Variants in CSRNP3 observed in about 807,000 individuals in gnomAD.
CSRNP3 encodes cysteine/serine-rich nuclear protein 3.
Under a neutral mutation model 48.0 loss-of-function variants are expected in CSRNP3, and 12 were observed. The ratio of observed to expected loss-of-function variants is 0.25; its 90% confidence interval spans 0.16 to 0.41. The LOEUF is 0.41. CSRNP3 is among the 10% of genes least tolerant of loss of function. The probability of loss-of-function intolerance (pLI) is 1.00; values close to 1 mark genes in which losing one functional copy is unlikely to be tolerated. For missense variants in CSRNP3, 580 were observed against 724.4 expected, an observed-to-expected ratio of 0.80 and a Z score of 2.29; for synonymous variants, 263 against 269.7, an observed-to-expected ratio of 0.98 and a Z score of 0.24.
At chr2:165,566,610 A>C (rs558139466) in intron 3 of CSRNP3, among the ~76,000 whole-genome samples, 1 of 152,060 alleles carries the variant, frequency 6.6e-6, no homozygotes, top group African/African-American at 2.4e-5. Flanking sequence ...ACTATTAGCT[A>C]TTTTTAGATA....
At position 165,682,588 on chromosome 2, in the gene CSRNP3, A is replaced by G. The variant is rs984538690; in HGVS notation, c.*2835A>G. ...AAAAAAATGTGGTTTAGAAAAGAGG[A>G]TAATTGGTAGAGCTGTAGTTTGAAA... On this transcript the variant is annotated 3_prime_UTR_variant, in exon 7 of 7. Transcript: ENST00000651982. The G allele has an allele frequency of 1.9e-4, 29 of 152,156 alleles. 1 individual carries two copies. Among genetic ancestry groups the G allele is most frequent in the Admixed American group, 1.9e-3 (29 of 15,250 alleles). The allele number at this position is 152,156 out of a possible 1,614,324, so 9.4% of individuals were successfully genotyped here. A position where few individuals can be genotyped will look rare whatever the true frequency, so the allele number is the denominator to read the frequency against.
At position 165,681,482 on chromosome 2, in the gene CSRNP3, A is replaced by G. The variant is rs901314573; in HGVS notation, c.*1729A>G. ...TCTAGAGAAAGTCCTCCAGTGGAAA[A>G]GTTTCTACTAAACTTTGTTTTGGGG... On this transcript the variant is annotated 3_prime_UTR_variant, in exon 7 of 7. Transcript: ENST00000651982. 21 of 151,914 alleles carry G rather than the reference A, an allele frequency of 1.4e-4. No homozygotes were observed. Among genetic ancestry groups the G allele is most frequent in the African/African-American group, 4.6e-4 (19 of 41,472 alleles). 9.4% of individuals were successfully genotyped at this position (151,914 alleles called of 1,614,324 possible).
At chr2:165,569,586 A>C (rs1009332902) in intron 3 of CSRNP3, among the ~76,000 whole-genome samples, 1 of 152,096 alleles carries the variant, frequency 6.6e-6, no homozygotes, top group Non-Finnish European at 1.5e-5. Context: ...AATATGCCAA[A>C]GTAAATTAAA....
intron 1 of CSRNP3, among the ~76,000 whole-genome samples, chr2:165,490,702 G>T (rs1220926000): frequency 7.4e-6 from 1 of 134,442 alleles, no homozygotes; most frequent in East Asian, 2.4e-4. Context: ...ATGGGGAAAG[G>T]ATTCCCTATT....
At chr2:165,621,104 T>C (rs1315673461) in intron 4 of CSRNP3, among the ~76,000 whole-genome samples, 5 of 152,116 alleles carry the variant, frequency 3.3e-5, no homozygotes, top group Non-Finnish European at 7.4e-5. Flanking sequence ...ATGATCACAT[T>C]AAGATTTATC....
intron 5 of CSRNP3, among the ~76,000 whole-genome samples, chr2:165,669,316 A>G (rs1687290191): frequency 6.6e-6 from 1 of 152,160 alleles, no homozygotes; most frequent in Non-Finnish European, 1.5e-5. Flanking sequence ...TTGCCCTGGC[A>G]TTTTAGTCAA....
At chr2:165,676,973 C>A (rs1687436330) in intron 6 of CSRNP3, among the ~76,000 whole-genome samples, 1 of 152,106 alleles carries the variant, frequency 6.6e-6, no homozygotes, top group Non-Finnish European at 1.5e-5. Context: ...ATTTTCTGAT[C>A]CATCCATGGG....
At chr2:165,493,372 C>T (rs1684245214) in intron 1 of CSRNP3, among the ~76,000 whole-genome samples, 1 of 152,074 alleles carries the variant, frequency 6.6e-6, no homozygotes, top group South Asian at 2.1e-4. Flanking sequence ...ACTGATGCAT[C>T]TCTAGTCAAG....
chr2:165,559,587 T>A (rs1460815368), intron 3 of CSRNP3, among the ~76,000 whole-genome samples: 1 of 152,134 alleles, frequency 6.6e-6, no homozygotes, highest in Non-Finnish European at 1.5e-5. Context: ...AGAAAAGGGA[T>A]GTGTAATGAA....
intron 4 of CSRNP3, among the ~76,000 whole-genome samples, chr2:165,600,091 A>C (rs1389941703): frequency 9.9e-5 from 12 of 121,632 alleles, no homozygotes; most frequent in African/African-American, 1.3e-4. Flanking sequence ...CGCTCCCCCC[A>C]CCCCACAACA....
chr2:165,576,065 A>C (rs1229443974), intron 3 of CSRNP3, among the ~76,000 whole-genome samples: 1 of 150,510 alleles, frequency 6.6e-6, no homozygotes, highest in East Asian at 1.9e-4. Context: ...ATAGATATAT[A>C]ATTGTTTTTT....
chr2:165,635,380 G>T (rs900227889), intron 4 of CSRNP3, among the ~76,000 whole-genome samples: 2 of 152,134 alleles, frequency 1.3e-5, no homozygotes, highest in Admixed American at 6.5e-5. Flanking sequence ...TTACTCCTGG[G>T]AAAAGAAGGA....
Position 165,665,832 on chromosome 2 carries a change from A to G in CSRNP3, c.408+7812A>G, listed in dbSNP as rs528958272. 1.7e-4 allele frequency among the ~76,000 whole-genome samples: 25 copies of G among 148,514 alleles called. No homozygotes were observed. The East Asian group carries it at 3.6e-3, about 21-fold the overall frequency. On this transcript the variant is annotated intron_variant, in intron 5 of 6. Transcript: ENST00000651982. Reference sequence around the variant, plus strand: ...GAGAAAGAGAAAGGAAGGAAGGAAGAAAGGAAGCAAGGAAGGAAGGAAGGA... The same window carrying G: ...GAGAAAGAGAAAGGAAGGAAGGAAGGAAGGAAGCAAGGAAGGAAGGAAGGA...
At position 165,684,832 on chromosome 2, in the gene CSRNP3, T is replaced by C. The variant is rs1263578528; in HGVS notation, c.*5079T>C. The C allele has an allele frequency of 6.6e-6, 1 of 151,910 alleles. No individual in the cohort carries two copies. The highest frequency in any genetic ancestry group is 6.6e-5 in the Admixed American group (1 of 15,204). The allele number at this position is 151,910 out of a possible 1,614,324, so 9.4% of individuals were successfully genotyped here. Reference sequence around the variant, plus strand: ...AAGCTTAATAAGTGGTGGTGTCTTCTAGGAATTATGAAAAAAAAAGCTCAG... The same window carrying C: ...AAGCTTAATAAGTGGTGGTGTCTTCCAGGAATTATGAAAAAAAAAGCTCAG... On this transcript the variant is annotated 3_prime_UTR_variant, in exon 7 of 7. Transcript: ENST00000651982.
At chr2:165,640,368 G>C (rs1686704504) in intron 4 of CSRNP3, among the ~76,000 whole-genome samples, 1 of 152,186 alleles carries the variant, frequency 6.6e-6, no homozygotes, top group Non-Finnish European at 1.5e-5. Flanking sequence ...TATGAACTAA[G>C]TGCTTTTTGT....
intron 1 of CSRNP3, among the ~76,000 whole-genome samples, chr2:165,486,201 C>T (rs1484567795): frequency 2.0e-5 from 3 of 152,186 alleles, no homozygotes; most frequent in Non-Finnish European, 4.4e-5. Flanking sequence ...CCTGGAAAAT[C>T]GGGTCACTCC....
rs1278934003 is a variant in CSRNP3, at chr2:165,532,043, G to T, written c.-24+14082G>T. Among the ~76,000 whole-genome samples, 10 of 152,192 alleles carry T rather than the reference G, an allele frequency of 6.6e-5. No homozygotes were observed. In the East Asian group the frequency reaches 1.9e-3, roughly 29 times the overall value. On this transcript the variant is annotated intron_variant, in intron 3 of 6. Transcript: ENST00000651982. ...GAATCTCTGAATAGACCAATAACAGGCTCTGAAATTGAGGCAACAATCAAT... is the reference window on the plus strand; with the variant it reads ...GAATCTCTGAATAGACCAATAACAGTCTCTGAAATTGAGGCAACAATCAAT...
chr2:165,640,146 A>G (rs1686700201), intron 4 of CSRNP3, among the ~76,000 whole-genome samples: 1 of 152,226 alleles, frequency 6.6e-6, no homozygotes, highest in South Asian at 2.1e-4. Context: ...TTCAAATTAT[A>G]TAAATGATTT....
At chr2:165,563,285 A>T (rs1685257224) in intron 3 of CSRNP3, among the ~76,000 whole-genome samples, 1 of 152,148 alleles carries the variant, frequency 6.6e-6, no homozygotes, top group South Asian at 2.1e-4. Flanking sequence ...AACCTAACTT[A>T]GGAGTATGCA....
Sources: gnomAD v4.1 joint callset for allele counts (sites outside exome capture counted in the v4.1 genomes callset) on GRCh38, gnomAD v4.1.1 for gene constraint, MANE v1.5 for transcripts, NCBI Gene and HGNC (gene_info 2026-07-23, HGNC 2026-07-21) for gene names.